EWSR1: variants seen among roughly 807,000 people sequenced by gnomAD.
EWSR1 encodes the protein EWS RNA binding protein 1.
In EWSR1, 14 loss-of-function variants were observed where a neutral mutation model predicts 92.1. That is an observed-to-expected ratio of 0.15 (90% CI 0.10 to 0.24). EWSR1 has a LOEUF of 0.24. Ranked by LOEUF, EWSR1 falls within the 10% of genes least tolerant of loss-of-function variation. The pLI, the probability that EWSR1 is intolerant of heterozygous loss-of-function variation, is 1.00. For missense variants in EWSR1, 637 were observed against 870.9 expected, an observed-to-expected ratio of 0.73 and a Z score of 3.38; for synonymous variants, 303 against 292.9, an observed-to-expected ratio of 1.03 and a Z score of -0.35.
intron 9 of EWSR1, 188 bp downstream of exon 9, chr22:29,291,787 C>T: frequency 3.3e-6 from 2 of 604,310 alleles, no homozygotes; most frequent in Non-Finnish European, 5.7e-6. Flanking sequence ...CAAAGGGTAA[C>T]TTGAAGTATT....
chr22:29,291,821 G>C, intron 9 of EWSR1: 1 of 584,906 alleles, frequency 1.7e-6, no homozygotes, highest in Admixed American at 3.3e-5. Flanking sequence ...TGTAATATGG[G>C]GGAGAATAAA....
intron 5 of EWSR1, 31 bp downstream of exon 5, chr22:29,278,247 C>G (rs1422631831): frequency 6.3e-7 from 1 of 1,598,212 alleles, no homozygotes; most frequent in East Asian, 2.2e-5. Context: ...ATGCGTCAGT[C>G]TTATGTTGGA....
intron 12 of EWSR1, 39 bp downstream of exon 12, chr22:29,296,407 A>T: frequency 6.2e-7 from 1 of 1,610,074 alleles, no homozygotes; most frequent in Non-Finnish European, 8.5e-7. Flanking sequence ...CTCCCTGGCT[A>T]TAGAATATGG....
intron 4 of EWSR1, chr22:29,274,260 C>T: frequency 6.2e-7 from 1 of 1,613,782 alleles, no homozygotes; most frequent in African/African-American, 1.3e-5. Context: ...TTGTGCTTTC[C>T]ACAGTAGAAG....
intron 11 of EWSR1, among the ~76,000 whole-genome samples, chr22:29,293,633 C>T (rs893795629): frequency 1.1e-4 from 17 of 152,048 alleles, no homozygotes; most frequent in Admixed American, 5.9e-4. Flanking sequence ...GGCACGATCT[C>T]GGCTCACTGC....
chr22:29,272,165 CT>C lies in EWSR1; in HGVS notation c.14-50del, dbSNP rs1569043565. ...GAATTCTTTCCCCCTTTTTTCTCTT[CT>C]CCTTGTTTCTGCTAACTTTACACTA... On this transcript the variant is annotated intron_variant, in intron 1 of 16. Transcript: ENST00000397938. 9 of 1,544,388 alleles carry C rather than the reference CT, an allele frequency of 5.8e-6. No individual in the cohort carries two copies. In the Admixed American group the frequency reaches 1.5e-4, roughly 27 times the overall value.
chr22:29,274,481 T>C (rs1284202251), intron 4 of EWSR1: 1 of 548,714 alleles, frequency 1.8e-6, no homozygotes, highest in Non-Finnish European at 3.3e-6. Context: ...GGGAAAGGTT[T>C]TTTTATTTAA....
At chr22:29,272,112 A>G (rs1011743318) in intron 1 of EWSR1, 104 bp from the exon 2 acceptor site, 7 of 1,036,170 alleles carry the variant, frequency 6.8e-6, no homozygotes, top group Non-Finnish European at 9.0e-6. Flanking sequence ...AGGTCTCCCT[A>G]CAGTTTAAAG....
Position 29,291,338 on chromosome 22 carries a change from A to G in EWSR1, c.975-224A>G. On this transcript the variant is annotated intron_variant, in intron 8 of 16. Coordinates refer to ENST00000397938, the MANE Select transcript of EWSR1 (RefSeq NM_005243.4). ...ACTATTAATACCAGCCCCCGAAATG[A>G]AAGGAACCAACCACACTGGTGTGTA... The G allele has an allele frequency of 6.7e-6, 3 of 445,972 alleles. 1 individual carries two copies. The highest frequency in any genetic ancestry group is 1.2e-5 in the Non-Finnish European group (3 of 251,474). 27.6% of individuals were successfully genotyped at this position (445,972 alleles called of 1,614,324 possible).
At position 29,278,230 on chromosome 22, in the gene EWSR1, G is replaced by C. The variant is rs576177472; in HGVS notation, c.413+14G>C. On this transcript the variant is annotated intron_variant, in intron 5 of 16. Coordinates refer to ENST00000397938, the MANE Select transcript of EWSR1 (RefSeq NM_005243.4). ...TGCACCTACAAGGTAAGGCCATGGT[G>C]TCCTTAATGCGTCAGTCTTATGTTG... 177 of 1,611,790 alleles carry C rather than the reference G, an allele frequency of 1.1e-4. No individual in the cohort carries two copies. In the African/African-American group the frequency reaches 2.0e-3, roughly 18 times the overall value.
chr22:29,274,153 C>G, intron 4 of EWSR1: 2 of 1,168,674 alleles, frequency 1.7e-6, no homozygotes, highest in East Asian at 4.7e-5. Flanking sequence ...AATGCTAATA[C>G]TGAGTAAGAA....
chr22:29,274,329 G>C, intron 4 of EWSR1: 1 of 1,600,200 alleles, frequency 6.2e-7, no homozygotes, highest in Non-Finnish European at 8.6e-7. Context: ...TTTCCATCTT[G>C]TCTAACCCTG....
chr22:29,300,395 T>C lies in EWSR1; in HGVS notation c.*234T>C, dbSNP rs2061257815. The C allele has an allele frequency of 6.4e-6, 3 of 465,302 alleles. No individual in the cohort carries two copies. The East Asian group carries it at 1.1e-4, about 16-fold the overall frequency. 28.8% of individuals were successfully genotyped at this position (465,302 alleles called of 1,614,324 possible). On this transcript the variant is annotated 3_prime_UTR_variant, in exon 17 of 17. Coordinates refer to ENST00000397938, the MANE Select transcript of EWSR1 (RefSeq NM_005243.4). The stretch of plus-strand genomic sequence containing the variant: ...AAATGGTTGTTTAAGACTTTAACAA[T>C]GGGAACCCCTTGTGAGCATGCTCAG...
At chr22:29,290,497 G>A (rs748951787) in intron 8 of EWSR1, 1 of 1,612,822 alleles carries the variant, frequency 6.2e-7, no homozygotes, top group Admixed American at 1.7e-5. Flanking sequence ...ATGAAAAGTG[G>A]GACTAGACAC....
In EWSR1 at chr22:29,300,009, C is replaced by T. The variant is rs73884711; in HGVS notation, c.1932-113C>T. On this transcript the variant is annotated intron_variant, in intron 16 of 16. Transcript: ENST00000397938. ...CCTGGGGGCTCTGGAAGGGCTTCCT[C>T]ACCCCTTCCCATTCTAACCGATTGG... is the stretch of plus-strand genomic sequence containing the variant. 24 of 660,664 alleles carry T rather than the reference C, an allele frequency of 3.6e-5. 1 individual carries two copies. The African/African-American group carries it at 9.9e-4, about 27-fold the overall frequency. The allele number at this position is 660,664 out of a possible 1,614,324, so 40.9% of individuals were successfully genotyped here. A position where few individuals can be genotyped will look rare whatever the true frequency, so the allele number is the denominator to read the frequency against.
At chr22:29,294,272 C>T (rs1197653412) in intron 11 of EWSR1, among the ~76,000 whole-genome samples, 4 of 152,094 alleles carry the variant, frequency 2.6e-5, no homozygotes, top group East Asian at 1.9e-4. Flanking sequence ...TAAGGGTCTT[C>T]GTTAAATGAC....
chr22:29,271,514 CA>C (rs1424440611), intron 1 of EWSR1, among the ~76,000 whole-genome samples: 1 of 152,048 alleles, frequency 6.6e-6, no homozygotes, highest in Admixed American at 6.6e-5. Context: ...ATGGTGTTAC[CA>C]AATTTTTCCC....
rs1202316445 is a variant in EWSR1 at position 29,287,020 on chromosome 22, G to A, written c.679G>A (p.Gly227Ser). The A allele has an allele frequency of 2.5e-6, 4 of 1,613,700 alleles. No homozygotes were observed. The highest frequency in any genetic ancestry group is 2.7e-5 in the African/African-American group (2 of 74,856). ...PSSYGQQSSY[G>S]QQSSYGQQPP... ...CAGCTATGGACAGCAGAGTAGCTAT[G>A]GTCAACAAAGCAGCTATGGGCAGCA... Residue 227 changes from glycine (G) to serine (S), a missense_variant, in exon 7 of 17, where the codon GGT (glycine) becomes AGT (serine). Physicochemically the swap from Gly to Ser is moderately conservative, Grantham distance 56. Coordinates refer to ENST00000397938, the MANE Select transcript of EWSR1 (RefSeq NM_005243.4).
chr22:29,275,711 A>G lies in EWSR1; in HGVS notation c.226+1847A>G, dbSNP rs942529288. ...CGGATAGTCATTGGAGGGAATACAT[A>G]GAAATACACTGTTCTCTTCTAGGAT... On this transcript the variant is annotated intron_variant, in intron 4 of 16. Transcript: ENST00000397938. 3 of 229,564 alleles carry G rather than the reference A, an allele frequency of 1.3e-5. No individual in the cohort carries two copies. In the East Asian group the frequency reaches 1.9e-4, roughly 14 times the overall value. The allele number at this position is 229,564 out of a possible 1,614,324, so 14.2% of individuals were successfully genotyped here. A position where few individuals can be genotyped will look rare whatever the true frequency, so the allele number is the denominator to read the frequency against.
Sources: allele counts gnomAD v4.1 joint callset (sites outside exome capture counted in the v4.1 genomes callset), GRCh38; gene constraint gnomAD v4.1.1; transcripts MANE v1.5; gene names NCBI Gene and HGNC (gene_info 2026-07-23, HGNC 2026-07-21).